CACNA1I: variants seen among roughly 807,000 people sequenced by gnomAD.
CACNA1I encodes the protein calcium voltage-gated channel subunit alpha1 I.
A neutral mutation model predicts 201.6 loss-of-function variants in CACNA1I; 74 were observed. The ratio of observed to expected loss-of-function variants is 0.37; its 90% CI spans 0.30 to 0.45. The LOEUF is 0.45. Ranked by LOEUF, CACNA1I falls within the 20% of genes least tolerant of loss-of-function variation. The pLI, the probability that CACNA1I is intolerant of heterozygous loss-of-function variation, is 1.00. For synonymous variants in CACNA1I, 1,431 were observed against 1,345.2 expected, an observed-to-expected ratio of 1.06 and a Z score of -1.40; for missense variants, 2,346 against 3,138.1, an observed-to-expected ratio of 0.75 and a Z score of 6.03.
chr22:39,606,716 GA>G (rs1006355654), intron 3 of CACNA1I, among the ~76,000 whole-genome samples: 2 of 152,194 alleles, frequency 1.3e-5, no homozygotes, highest in African/African-American at 4.8e-5. Context: ...ATTTTTAGTA[GA>G]GACGGGGTTT....
chr22:39,578,400 TG>T (rs1569044526), intron 1 of CACNA1I, among the ~76,000 whole-genome samples: 1 of 151,988 alleles, frequency 6.6e-6, no homozygotes, highest in Non-Finnish European at 1.5e-5. Context: ...TCCTTTCTGG[TG>T]GGGCTACTGG....
chr22:39,645,789 G>A (rs1381829217), intron 7 of CACNA1I, among the ~76,000 whole-genome samples: 1 of 152,202 alleles, frequency 6.6e-6, no homozygotes, highest in Non-Finnish European at 1.5e-5. Flanking sequence ...AACTGGAGAG[G>A]AGCCCCACTC....
Position 39,682,571 on chromosome 22 carries a change from G to A in CACNA1I, c.5740G>A (p.Val1914Ile), listed in dbSNP as rs752733821. The A allele has an allele frequency of 6.2e-5, 100 of 1,613,526 alleles. No homozygotes were observed. Among genetic ancestry groups the A allele is most frequent in the South Asian group, 5.7e-4 (52 of 91,074 alleles). Reference protein sequence around the residue: ...ECFFPLSSTAVSPDPENFLCE... With the variant: ...ECFFPLSSTAISPDPENFLCE... Reference sequence around the variant, plus strand: ...CTTCTTCCCCTTGTCCTCTACGGCCGTCTCGCCGGATCCAGAGAACTTCCT... The same window carrying A: ...CTTCTTCCCCTTGTCCTCTACGGCCATCTCGCCGGATCCAGAGAACTTCCT... Residue 1914 changes from valine (V) to isoleucine (I), a missense_variant, in exon 35 of 37, where the codon GTC (valine) becomes ATC (isoleucine). Val to Ile is a conservative substitution (Grantham distance 29, BLOSUM62 3). Around this residue, in one of 13 missense-constraint regions of CACNA1I, gnomAD observed 441 missense variants for 555.6 expected, o/e 0.79. Coordinates refer to ENST00000402142, the MANE Select transcript of CACNA1I (RefSeq NM_021096.4).
In CACNA1I at chr22:39,686,101, A is replaced by G. The variant is rs1935862557; in HGVS notation, c.6368A>G (p.His2123Arg). 3 of 1,151,618 alleles carry G rather than the reference A, an allele frequency of 2.6e-6. No individual in the cohort carries two copies. The highest frequency in any genetic ancestry group is 3.7e-5 in the South Asian group (1 of 27,012). 71.3% of individuals were successfully genotyped at this position (1,151,618 alleles called of 1,614,324 possible). ...GAGGGGAGSE[H>R]SETLSSLSLT... ...GGCGGCGGGGGCGCGGGCAGCGAGCACTCGGAGACCCTCAGCAGCCTCTCG... is the reference window on the plus strand; with the variant it reads ...GGCGGCGGGGGCGCGGGCAGCGAGCGCTCGGAGACCCTCAGCAGCCTCTCG... The change falls in exon 37 of 37, where the codon CAC (histidine) becomes CGC (arginine). Residue 2123 changes from histidine (H) to arginine (R), a missense_variant. His to Arg is a conservative substitution (Grantham distance 29). Around this residue, in one of 13 missense-constraint regions of CACNA1I, gnomAD observed 187 missense variants for 151.0 expected, o/e 1.24. Transcript: ENST00000402142.
chr22:39,665,784 G>T lies in CACNA1I; in HGVS notation c.3979-97G>T. On this transcript the variant is annotated intron_variant, in intron 22 of 36. Transcript: ENST00000402142. The surrounding 1 kb of genome is among the most constrained non-coding windows in gnomAD (Gnocchi z 5.5). ...GACAGACATGGGCCCAGATGACTGA[G>T]CACAAGACAGTCTGAGTAAACGCGA... 6.4e-7 allele frequency: 1 copy of T among 1,569,046 alleles called. No individual in the cohort carries two copies. The highest frequency in any genetic ancestry group is 8.7e-7 in the Non-Finnish European group (1 of 1,145,650).
At position 39,659,830 on chromosome 22, in the gene CACNA1I, T is replaced by C. The variant is rs1785421383; in HGVS notation, c.2582T>C (p.Leu861Pro). 2 of 1,613,798 alleles carry C rather than the reference T, an allele frequency of 1.2e-6. No homozygotes were observed. Among genetic ancestry groups the C allele is most frequent in the South Asian group, 2.2e-5 (2 of 91,078 alleles). Residue 861 changes from leucine (L) to proline (P), a missense_variant, in exon 14 of 37, where the codon CTG becomes CCG. Leu to Pro is a moderately conservative substitution (Grantham distance 98). Around this residue, in one of 13 missense-constraint regions of CACNA1I, gnomAD observed 155 missense variants for 300.8 expected, o/e 0.52. Transcript: ENST00000402142. The surrounding 1 kb of genome is among the most constrained non-coding windows in gnomAD (Gnocchi z 4.3). Reference protein sequence around the residue: ...YVLFNLLVAILVEGFQAEGDA... With the variant: ...YVLFNLLVAIPVEGFQAEGDA... ...CTCTTCAACCTGCTGGTGGCCATCC[T>C]GGTGGAGGGCTTCCAGGCGGAGGTG... is the stretch of plus-strand genomic sequence containing the variant.
At chr22:39,664,974 G>A in intron 21 of CACNA1I, 51 bp downstream of exon 21, 2 of 1,561,782 alleles carry the variant, frequency 1.3e-6, no homozygotes, top group Non-Finnish European at 1.7e-6. Flanking sequence ...ACTGTACCGA[G>A]AAGCCACGGG....
chr22:39,674,139 A>G (rs1049264022), intron 29 of CACNA1I, 106 bp downstream of exon 29: 45 of 1,050,624 alleles, frequency 4.3e-5, no homozygotes, highest in Non-Finnish European at 5.9e-5. Flanking sequence ...TGCCAGAGCC[A>G]GGGCAGATGC....
intron 26 of CACNA1I, 38 bp downstream of exon 26, chr22:39,670,992 G>GT (rs1935362396): frequency 6.2e-7 from 1 of 1,608,374 alleles, no homozygotes; most frequent in African/African-American, 1.3e-5. Flanking sequence ...AGGTTACAAG[G>GT]TGAGGGTGGG....
intron 5 of CACNA1I, among the ~76,000 whole-genome samples, chr22:39,638,828 G>C (rs1049769442): frequency 6.6e-6 from 1 of 152,160 alleles, no homozygotes; most frequent in Non-Finnish European, 1.5e-5. Context: ...GGATGAAACT[G>C]TTCCACCTCA....
chr22:39,649,836 G>C lies in CACNA1I; in HGVS notation c.1903G>C (p.Gly635Arg), dbSNP rs199932036. ...GCGGGAGACGCGAGCCAAGCTGCGCGGCATCGTGGACAGCAAGTACTTCAA... is the reference window on the plus strand; with the variant it reads ...GCGGGAGACGCGAGCCAAGCTGCGCCGCATCGTGGACAGCAAGTACTTCAA... ...VWRETRAKLR[G>R]IVDSKYFNRG... The change falls in exon 10 of 37, where the codon GGC (glycine) becomes CGC (arginine). Residue 635 changes from glycine to arginine, a missense_variant. Gly to Arg is a moderately radical substitution (Grantham distance 125). Coordinates refer to ENST00000402142, the MANE Select transcript of CACNA1I (RefSeq NM_021096.4). The surrounding 1 kb of genome is among the most constrained non-coding windows in gnomAD (Gnocchi z 7.3). 2.5e-6 allele frequency: 4 copies of C among 1,613,526 alleles called. No homozygotes were observed. The highest frequency in any genetic ancestry group is 3.4e-6 in the Non-Finnish European group (4 of 1,179,720).
Position 39,664,914 on chromosome 22 carries a change from GCCC to G in CACNA1I, c.3845_3847del (p.Pro1282del), listed in dbSNP as rs1170631676. The G allele has an allele frequency of 6.2e-7, 1 of 1,611,652 alleles. No individual in the cohort carries two copies. The highest frequency in any genetic ancestry group is 8.5e-7 in the Non-Finnish European group (1 of 1,179,786). On this transcript the variant is annotated inframe_deletion, in exon 21 of 37. Transcript: ENST00000402142. ...GTCTTGCGGCTCCTGCGCACCCTACGCCCCCTGCGGTGAGGACCCCTCCTGGGC... is the reference window on the plus strand; with the variant it reads ...GTCTTGCGGCTCCTGCGCACCCTACGCCTGCGGTGAGGACCCCTCCTGGGC...
intron 1 of CACNA1I, among the ~76,000 whole-genome samples, chr22:39,597,888 G>A (rs1444811014): frequency 6.6e-6 from 1 of 152,192 alleles, no homozygotes; most frequent in African/African-American, 2.4e-5. Flanking sequence ...TGGGCCTGAG[G>A]GGAGCTCTCA....
chr22:39,598,395 C>T (rs558467915), intron 2 of CACNA1I, 133 bp downstream of exon 2: 6 of 625,128 alleles, frequency 9.6e-6, no homozygotes, highest in African/African-American at 9.1e-5. Context: ...CCGCTCCGTG[C>T]CCTTCCCCAT....
chr22:39,630,730 G>T (rs535604697), intron 4 of CACNA1I, among the ~76,000 whole-genome samples: 21 of 152,354 alleles, frequency 1.4e-4, no homozygotes, highest in African/African-American at 4.8e-4. Flanking sequence ...GCTCAGCTGA[G>T]ATCCCCAAAA....
chr22:39,598,699 G>C (rs367839696), intron 2 of CACNA1I, among the ~76,000 whole-genome samples: 1 of 152,056 alleles, frequency 6.6e-6, no homozygotes, highest in African/African-American at 2.4e-5. Flanking sequence ...TTGGACTAGA[G>C]GCCAAGTTCA....
intron 1 of CACNA1I, among the ~76,000 whole-genome samples, chr22:39,580,638 G>A (rs187980612): frequency 1.2e-3 from 183 of 152,264 alleles, no homozygotes; most frequent in Admixed American, 2.3e-3. Context: ...AGTGAGGCTG[G>A]AACCATGTGG....
At position 39,600,377 on chromosome 22, in the gene CACNA1I, C is replaced by T. The variant is rs557015751; in HGVS notation, c.349-143C>T. The T allele has an allele frequency of 4.7e-6, 3 of 643,218 alleles. No homozygotes were observed. In the African/African-American group the frequency reaches 5.6e-5, roughly 12 times the overall value. 39.8% of individuals were successfully genotyped at this position (643,218 alleles called of 1,614,324 possible). The stretch of plus-strand genomic sequence containing the variant: ...ATTGGACTGGGATCACTGAGGTTCT[C>T]CTCCTGCCCAGGAGGAGTTTCCGGG... On this transcript the variant is annotated intron_variant, in intron 2 of 36. Transcript: ENST00000402142.
Position 39,681,032 on chromosome 22 carries a change from C to T in CACNA1I, c.5644C>T (p.Pro1882Ser). The T allele has an allele frequency of 1.9e-6, 3 of 1,610,248 alleles. No homozygotes were observed. Among genetic ancestry groups the T allele is most frequent in the East Asian group, 4.5e-5 (2 of 44,794 alleles). ...LSLEDPTACPPGRKDSKGELD... is the reference protein window; with the variant it reads ...LSLEDPTACPSGRKDSKGELD... ...TCTCGAGGACCCCACAGCCTGCCCACCTGGCCGCAAAGACAGCAAGGTCAG... is the reference window on the plus strand; with the variant it reads ...TCTCGAGGACCCCACAGCCTGCCCATCTGGCCGCAAAGACAGCAAGGTCAG... Residue 1882 changes from proline (P) to serine (S), a missense_variant, in exon 34 of 37, where the codon CCT (proline) becomes TCT (serine). Physicochemically the swap from Pro to Ser is moderately conservative, Grantham distance 74. Coordinates refer to ENST00000402142, the MANE Select transcript of CACNA1I (RefSeq NM_021096.4).
Sources: allele counts gnomAD v4.1 joint callset (sites outside exome capture counted in the v4.1 genomes callset), GRCh38; gene constraint gnomAD v4.1.1; regional missense constraint gnomAD v4.1.1; non-coding constraint Gnocchi (gnomAD v3.1); transcripts MANE v1.5; gene names NCBI Gene and HGNC (gene_info 2026-07-23, HGNC 2026-07-21).